The following MACROD2 variants were observed in gnomAD, a reference collection of about 807,000 sequenced individuals.
MACROD2 encodes the protein mono-ADP ribosylhydrolase 2, also known as ADP-ribose glycohydrolase MACROD2.
Under a neutral mutation model 70.4 loss-of-function variants are expected in MACROD2, and 36 were observed. The ratio of observed to expected loss-of-function variants is 0.51; its 90% CI spans 0.39 to 0.68. MACROD2 has a LOEUF of 0.68. MACROD2 is among the 30% of genes least tolerant of loss of function. The pLI, the probability that MACROD2 is intolerant of heterozygous loss-of-function variation, is 0.00. For synonymous variants in MACROD2, 172 were observed against 178.8 expected (o/e 0.96, Z 0.30); for missense variants, 496 against 538.4 (o/e 0.92, Z 0.78).
chr20:14,274,493 T>C, intron 3 of MACROD2, among the ~76,000 whole-genome samples: 1 of 152,126 alleles, frequency 6.6e-6, no homozygotes, highest in Non-Finnish European at 1.5e-5. Context: ...ATGGGATGTA[T>C]CTCAAAATAA....
At chr20:15,480,092 A>G (rs1030218962) in intron 7 of MACROD2, among the ~76,000 whole-genome samples, 1 of 152,228 alleles carries the variant, frequency 6.6e-6, no homozygotes, top group African/African-American at 2.4e-5. Flanking sequence ...TTTGCTAATG[A>G]TATAAAGTCC....
At chr20:15,057,663 C>T (rs2075497242) in intron 5 of MACROD2, among the ~76,000 whole-genome samples, 1 of 152,198 alleles carries the variant, frequency 6.6e-6, no homozygotes, top group African/African-American at 2.4e-5. Flanking sequence ...TAGGCCATGA[C>T]ATCCCACAGT....
chr20:15,828,825 T>C (rs1466114737), intron 8 of MACROD2, among the ~76,000 whole-genome samples: 4 of 152,244 alleles, frequency 2.6e-5, no homozygotes, highest in African/African-American at 9.6e-5. Context: ...CACTTAAATA[T>C]CTATTGAATA....
chr20:14,996,180 TCAA>T (rs1483677090), intron 5 of MACROD2, among the ~76,000 whole-genome samples: 2 of 152,278 alleles, frequency 1.3e-5, no homozygotes, highest in East Asian at 3.9e-4. Context: ...CTACTAAATA[TCAA>T]CATCTATTAT....
chr20:14,597,864 A>T (rs376036178), intron 4 of MACROD2, among the ~76,000 whole-genome samples: 12 of 152,114 alleles, frequency 7.9e-5, no homozygotes, highest in Admixed American at 3.9e-4. Flanking sequence ...TAGATTCAAA[A>T]ATTTGTATCT....
intron 10 of MACROD2, among the ~76,000 whole-genome samples, chr20:15,888,578 T>C (rs1175901632): frequency 1.3e-5 from 2 of 152,218 alleles, no homozygotes; most frequent in African/African-American, 4.8e-5. Flanking sequence ...TTAATGCTAA[T>C]GCAGAGTCCC....
At chr20:15,325,696 A>C (rs567032603) in intron 6 of MACROD2, among the ~76,000 whole-genome samples, 11 of 152,258 alleles carry the variant, frequency 7.2e-5, no homozygotes, top group African/African-American at 2.6e-4. Flanking sequence ...CACTTGTATC[A>C]TTCGTGGCAT....
intron 4 of MACROD2, among the ~76,000 whole-genome samples, chr20:14,514,174 T>C (rs2085063095): frequency 6.6e-6 from 1 of 152,110 alleles, no homozygotes; most frequent in Non-Finnish European, 1.5e-5. Flanking sequence ...CTTGACTCTC[T>C]TTGAGGACTA....
chr20:14,805,043 AGTGGGTCC>A (rs755500805), intron 5 of MACROD2, among the ~76,000 whole-genome samples: 11 of 152,040 alleles, frequency 7.2e-5, no homozygotes, highest in Non-Finnish European at 1.2e-4. Context: ...TGTGAGCTTC[AGTGGGTCC>A]GTGGATCCTC....
chr20:14,951,665 C>T (rs555028770), intron 5 of MACROD2, among the ~76,000 whole-genome samples: 12 of 152,222 alleles, frequency 7.9e-5, no homozygotes, highest in African/African-American at 2.9e-4. Flanking sequence ...AGTAACCCAG[C>T]AACCCACTTC....
At chr20:14,529,524 TAAA>T (rs1029120977) in intron 4 of MACROD2, among the ~76,000 whole-genome samples, 1 of 152,170 alleles carries the variant, frequency 6.6e-6, no homozygotes, top group African/African-American at 2.4e-5. Context: ...AAGCATAAAA[TAAA>T]AATTCCCACA....
chr20:14,969,688 G>C (rs1181273839), intron 5 of MACROD2, among the ~76,000 whole-genome samples: 4 of 149,002 alleles, frequency 2.7e-5, no homozygotes, highest in Non-Finnish European at 1.5e-5. Context: ...CCTGGTAAAA[G>C]CTGCTTTTAA....
chr20:14,060,118 TTAAC>T (rs1221452640), intron 2 of MACROD2, among the ~76,000 whole-genome samples: 1 of 152,188 alleles, frequency 6.6e-6, no homozygotes, highest in Non-Finnish European at 1.5e-5. Flanking sequence ...CAAAAGATCT[TTAAC>T]TATAGAGCAC....
At chr20:15,918,925 C>A (rs1413563413) in intron 10 of MACROD2, among the ~76,000 whole-genome samples, 2 of 152,046 alleles carry the variant, frequency 1.3e-5, no homozygotes, top group Non-Finnish European at 2.9e-5. Context: ...ATAACTGACC[C>A]CAGAAACAAT....
intron 5 of MACROD2, among the ~76,000 whole-genome samples, chr20:14,947,113 C>T (rs949344607): frequency 1.3e-5 from 2 of 152,182 alleles, no homozygotes; most frequent in Non-Finnish European, 1.5e-5. Context: ...TCTGAGAATA[C>T]GGCATATCTT....
At chr20:14,037,625 C>T (rs1262188339) in intron 2 of MACROD2, among the ~76,000 whole-genome samples, 4 of 142,400 alleles carry the variant, frequency 2.8e-5, no homozygotes, top group African/African-American at 1.1e-4. Context: ...TGTGAACACG[C>T]CAACTGTGTG....
chr20:14,432,899 T>G (rs903999256), intron 3 of MACROD2, among the ~76,000 whole-genome samples: 8 of 152,138 alleles, frequency 5.3e-5, no homozygotes, highest in African/African-American at 1.9e-4. Context: ...AAGAATTGCT[T>G]TCAGAATCTA....
At chr20:15,557,399 T>C (rs2048182073) in intron 8 of MACROD2, among the ~76,000 whole-genome samples, 1 of 152,112 alleles carries the variant, frequency 6.6e-6, no homozygotes, top group African/African-American at 2.4e-5. Flanking sequence ...ATATCTACAC[T>C]TCAGATGCAG....
At position 15,108,067 on chromosome 20, in the gene MACROD2, C is replaced by G. The variant is rs2075925720; in HGVS notation, c.419-121873C>G. On this transcript the variant is annotated intron_variant, in intron 5 of 17. Coordinates refer to ENST00000684519, the MANE Select transcript of MACROD2 (RefSeq NM_001351661.2). ...GGCAGTAGAGGCTATTGGTTAAGAGCACAGACTTTGGACTCAAACAAGCTA... is the reference window on the plus strand; with the variant it reads ...GGCAGTAGAGGCTATTGGTTAAGAGGACAGACTTTGGACTCAAACAAGCTA... Among the ~76,000 whole-genome samples, 3 of 151,208 alleles carry G rather than the reference C, an allele frequency of 2.0e-5. No homozygotes were observed. The South Asian group carries it at 6.2e-4, about 31-fold the overall frequency.
Sources: gnomAD v4.1 joint callset for allele counts (sites outside exome capture counted in the v4.1 genomes callset) on GRCh38, gnomAD v4.1.1 for gene constraint, MANE v1.5 for transcripts, NCBI Gene and HGNC (gene_info 2026-07-23, HGNC 2026-07-21) for gene names.